Variants in SYNPO observed in about 807,000 individuals in gnomAD.
The protein encoded by SYNPO is synaptopodin.
Under a neutral mutation model 49.5 loss-of-function variants are expected in SYNPO, and 19 were observed. The observed-to-expected ratio is 0.38, with a 90% CI of 0.27 to 0.56. SYNPO has a LOEUF of 0.56. Among genes scored for constraint, SYNPO ranks in the 20% least tolerant of loss-of-function variants. SYNPO has a pLI of 0.68. For synonymous variants in SYNPO, 536 were observed against 548.0 expected (o/e 0.98, Z 0.31); for missense variants, 1,131 against 1,248.3 (o/e 0.91, Z 1.42).
chr5:150,610,203 T>C (rs1561633473), intron 1 of SYNPO, among the ~76,000 whole-genome samples: 1 of 152,152 alleles, frequency 6.6e-6, no homozygotes, highest in African/African-American at 2.4e-5. Context: ...TGGAAGAGCA[T>C]TTTGAGACCC....
In SYNPO at chr5:150,648,247, G is replaced by A. The variant is rs893799015; in HGVS notation, c.-29G>A. ...CCTCCACGGCACCCCAGTCCCCAGA[G>A]CCCCGACAGAGGGGTCCCTGGCCAC... is the stretch of plus-strand genomic sequence containing the variant. On this transcript the variant is annotated 5_prime_UTR_variant, in exon 2 of 3. Transcript: ENST00000307662. This position sits in a 1 kb window ranked among gnomAD's most constrained non-coding sequence, Gnocchi z 5.0. The A allele has an allele frequency of 3.7e-6, 6 of 1,613,624 alleles. No individual in the cohort carries two copies. In the African/African-American group the frequency reaches 5.3e-5, roughly 14 times the overall value.
At position 150,655,917 on chromosome 5, in the gene SYNPO, C is replaced by T. The variant is rs75436594; in HGVS notation, c.2029-487C>T. ...CCACCCGCCTCGGCCTCCCAAAGTG[C>T]TGGGACTACAGGCGCGGGCCACCGC... On this transcript the variant is annotated intron_variant, in intron 2 of 2. Transcript: ENST00000307662. 0.011 allele frequency among the ~76,000 whole-genome samples: 1,665 copies of T among 152,346 alleles called. 119 individuals carry two copies. In the East Asian group the frequency reaches 0.19, roughly 17 times the overall value.
At chr5:150,654,188 T>C (rs138566622) in intron 2 of SYNPO, 1 of 152,208 alleles carries the variant, frequency 6.6e-6, no homozygotes, top group African/African-American at 2.4e-5. Flanking sequence ...GGTGGATGAC[T>C]GCTAGTGAAT....
At chr5:150,654,647 T>C (rs1334293106) in intron 2 of SYNPO, among the ~76,000 whole-genome samples, 4 of 152,128 alleles carry the variant, frequency 2.6e-5, no homozygotes, top group Admixed American at 2.0e-4. Context: ...CCCCTCCCCA[T>C]TGCTGTGAAA....
chr5:150,641,473 C>T (rs544404353), intron 1 of SYNPO, among the ~76,000 whole-genome samples: 2 of 152,332 alleles, frequency 1.3e-5, no homozygotes, highest in African/African-American at 2.4e-5. Context: ...CTCCCATTGA[C>T]GGCATCGTGT....
At chr5:150,646,289 T>C (rs1166812053) in intron 1 of SYNPO, among the ~76,000 whole-genome samples, 1 of 151,432 alleles carries the variant, frequency 6.6e-6, no homozygotes, top group Non-Finnish European at 1.5e-5. Context: ...CAGTGAGCTA[T>C]GATGGTGCCA....
rs143004615 is a variant in SYNPO, at chr5:150,627,999, C to CGT, written c.400+9249_400+9250dup. The stretch of plus-strand genomic sequence containing the variant: ...TGCAAAGTGGCTCTGCTAAGTTAGT[C>CGT]GTGTGTGTGTGTGTGTGTTTCTGTG... On this transcript the variant is annotated intron_variant, in intron 2 of 2. Transcript: ENST00000394243. Among the ~76,000 whole-genome samples the CGT allele has an allele frequency of 8.9e-3, 1,292 of 145,832 alleles. 16 individuals carry two copies. The highest frequency in any genetic ancestry group is 0.03 in the African/African-American group (1,148 of 38,450).
the SYNPO span, among the ~76,000 whole-genome samples, chr5:150,589,135 C>T: frequency 2.8e-4 from 42 of 151,002 alleles, no homozygotes; most frequent in African/African-American, 1.0e-3. Flanking sequence ...GATCTTGGCT[C>T]ACTGCAACCT....
At chr5:150,622,705 C>T (rs1349561517) in intron 2 of SYNPO, among the ~76,000 whole-genome samples, 1 of 152,216 alleles carries the variant, frequency 6.6e-6, no homozygotes, top group African/African-American at 2.4e-5. Flanking sequence ...GGGCCCAGAA[C>T]AAGGCTCCTG....
chr5:150,634,491 T>G (rs571611031), intron 2 of SYNPO, among the ~76,000 whole-genome samples: 4 of 152,246 alleles, frequency 2.6e-5, no homozygotes, highest in African/African-American at 9.6e-5. Flanking sequence ...GCATTTCATA[T>G]GGCTTATCCC....
At chr5:150,641,304 G>T (rs1402348164) in intron 1 of SYNPO, among the ~76,000 whole-genome samples, 1 of 152,198 alleles carries the variant, frequency 6.6e-6, no homozygotes, top group Non-Finnish European at 1.5e-5. Flanking sequence ...GCCAGTCATT[G>T]GTTCCTTCCT....
At chr5:150,642,917 G>T (rs1391137538) in intron 1 of SYNPO, among the ~76,000 whole-genome samples, 1 of 152,242 alleles carries the variant, frequency 6.6e-6, no homozygotes. Context: ...GGCAGCCCAG[G>T]TTGTGCATGG....
intron 1 of SYNPO, among the ~76,000 whole-genome samples, chr5:150,641,401 C>T (rs915835072): frequency 6.6e-6 from 1 of 152,244 alleles, no homozygotes; most frequent in African/African-American, 2.4e-5. Flanking sequence ...TGCCTTGAGC[C>T]AATCTCTATT....
intron 1 of SYNPO, among the ~76,000 whole-genome samples, chr5:150,604,320 A>G (rs528598770): frequency 3.9e-4 from 60 of 152,338 alleles, no homozygotes; most frequent in African/African-American, 1.4e-3. Context: ...TTTAAAAGCA[A>G]AACTGTTCCC....
rs754943596 is a variant in SYNPO, at chr5:150,648,653, T to C, written c.378T>C (p.Asn126=). The C allele has an allele frequency of 6.2e-7, 1 of 1,614,212 alleles. No individual in the cohort carries two copies. Among genetic ancestry groups the C allele is most frequent in the Non-Finnish European group, 8.5e-7 (1 of 1,180,038 alleles). ...QNSSEAQLPS[N]GTGPASKPST... ...CCTCAGAGGCCCAACTCCCATCTAA[T>C]GGCACAGGGCCTGCTTCCAAACCCA... Residue 126 remains asparagine, a synonymous_variant, in exon 2 of 3, where the codon AAT becomes AAC. Transcript: ENST00000307662. This position sits in a 1 kb window ranked among gnomAD's most constrained non-coding sequence, Gnocchi z 5.0.
upstream of SYNPO, among the ~76,000 whole-genome samples, chr5:150,597,447 T>A (rs1423666056): frequency 6.6e-6 from 1 of 152,234 alleles, no homozygotes; most frequent in Non-Finnish European, 1.5e-5. Flanking sequence ...TTCTCCTGCC[T>A]CAGCCCCTGG....
intron 1 of SYNPO, among the ~76,000 whole-genome samples, chr5:150,609,794 G>GA (rs1378327534): frequency 6.6e-6 from 1 of 151,642 alleles, no homozygotes; most frequent in South Asian, 2.1e-4. Flanking sequence ...GGCGGGGGGG[G>GA]GCAGTGTGGA....
chr5:150,598,796 C>T (rs1234692354), upstream of SYNPO, among the ~76,000 whole-genome samples: 1 of 151,204 alleles, frequency 6.6e-6, no homozygotes, highest in Non-Finnish European at 1.5e-5. Flanking sequence ...CTGATGGTGG[C>T]GGTGGAAGGC....
intron 1 of SYNPO, among the ~76,000 whole-genome samples, chr5:150,646,628 G>A (rs1758102029): frequency 6.6e-6 from 1 of 152,032 alleles, no homozygotes; most frequent in South Asian, 2.1e-4. Flanking sequence ...GGGGAGCTGA[G>A]GCAGGAGAAT....
Sources: gnomAD v4.1 joint callset for allele counts (sites outside exome capture counted in the v4.1 genomes callset) on GRCh38, gnomAD v4.1.1 for gene constraint, Gnocchi (gnomAD v3.1) non-coding constraint, MANE v1.5 for transcripts, NCBI Gene and HGNC (gene_info 2026-07-23, HGNC 2026-07-21) for gene names.